The following SNX8 variants were observed in gnomAD, a reference collection of about 807,000 sequenced individuals.
SNX8 encodes sorting nexin-8.
SNX8 carries 25 observed loss-of-function variants against 51.6 expected under a neutral mutation model. The ratio of observed to expected loss-of-function variants is 0.48; its 90% CI spans 0.35 to 0.68. The LOEUF (loss-of-function observed/expected upper bound fraction) is 0.68, where lower values mean the gene tolerates loss of function less well. SNX8 is among the 30% of genes least tolerant of loss of function. The pLI is 0.00. For missense variants in SNX8, 695 were observed against 624.0 expected, an observed-to-expected ratio of 1.11 and a Z score of -1.21; for synonymous variants, 324 against 277.0, an observed-to-expected ratio of 1.17 and a Z score of -1.68.
chr7:2,323,305 G>T (rs12672260), intron 1 of SNX8, among the ~76,000 whole-genome samples: 4 of 145,018 alleles, frequency 2.8e-5, no homozygotes, highest in Admixed American at 7.0e-5. Context: ...CCTCCAGCCA[G>T]GGCGACAGAG....
At chr7:2,329,393 C>T (rs931315235) in intron 1 of SNX8, among the ~76,000 whole-genome samples, 1 of 152,198 alleles carries the variant, frequency 6.6e-6, no homozygotes, top group Non-Finnish European at 1.5e-5. Flanking sequence ...CCACAGTCAG[C>T]ACCCTATTGC....
At chr7:2,295,932 A>G (rs1796265089) in intron 1 of SNX8, among the ~76,000 whole-genome samples, 1 of 152,094 alleles carries the variant, frequency 6.6e-6, no homozygotes, top group Admixed American at 6.6e-5. Flanking sequence ...ATTCTGTTCC[A>G]TGGGTCTGTG....
At chr7:2,271,571 C>G (rs1795644768) in intron 4 of SNX8, among the ~76,000 whole-genome samples, 1 of 152,196 alleles carries the variant, frequency 6.6e-6, no homozygotes, top group African/African-American at 2.4e-5. Context: ...CCTCCCTAAA[C>G]CCTCCAAACC....
chr7:2,269,282 G>C (rs138311884), intron 5 of SNX8, among the ~76,000 whole-genome samples: 1 of 151,248 alleles, frequency 6.6e-6, no homozygotes, highest in African/African-American at 2.4e-5. Context: ...GGGCGGTGCA[G>C]GATGTGCTTT....
chr7:2,294,780 A>AT (rs1796234058), intron 1 of SNX8, among the ~76,000 whole-genome samples: 1 of 152,192 alleles, frequency 6.6e-6, no homozygotes. Context: ...CACACCTGTA[A>AT]TCCCAGCACT....
intron 7 of SNX8, among the ~76,000 whole-genome samples, chr7:2,261,392 C>G (rs1795331663): frequency 6.6e-6 from 1 of 152,244 alleles, no homozygotes; most frequent in Non-Finnish European, 1.5e-5. Flanking sequence ...GAGATCACAC[C>G]ACTGCCCTCC....
At chr7:2,292,031 AG>A (rs1796162099) in intron 1 of SNX8, among the ~76,000 whole-genome samples, 1 of 152,216 alleles carries the variant, frequency 6.6e-6, no homozygotes, top group African/African-American at 2.4e-5. Flanking sequence ...TGGGAGGCCG[AG>A]GTGGATGGAT....
intron 1 of SNX8, among the ~76,000 whole-genome samples, chr7:2,339,805 T>G (rs1045003234): frequency 6.6e-6 from 1 of 152,064 alleles, no homozygotes; most frequent in Admixed American, 6.6e-5. Flanking sequence ...TAAGAACAGA[T>G]AAATAAGAAC....
rs913809726 is a variant in SNX8 at position 2,254,388 on chromosome 7, C to T, written c.*668G>A. The stretch of plus-strand genomic sequence containing the variant: ...CTCTCAGAGCCCCAGCTCTCCGTCA[C>T]GCCTTTGTCTTCCAGGCCTGGGCAC... On this transcript the variant is annotated 3_prime_UTR_variant, in exon 11 of 11. Coordinates refer to ENST00000222990, the MANE Select transcript of SNX8 (RefSeq NM_013321.4). 9 of 154,282 alleles carry T rather than the reference C, an allele frequency of 5.8e-5. No individual in the cohort carries two copies. The highest frequency in any genetic ancestry group is 1.0e-4 in the Non-Finnish European group (7 of 69,426). The allele number at this position is 154,282 out of a possible 1,614,324, so 9.6% of individuals were successfully genotyped here.
At chr7:2,315,760 C>T (rs927519873), upstream of SNX8, among the ~76,000 whole-genome samples, 6 of 149,916 alleles carry the variant, frequency 4.0e-5, no homozygotes, top group South Asian at 4.3e-4. Context: ...TCACTTACTG[C>T]ATCCTACATT....
Position 2,254,748 on chromosome 7 carries a change from A to G in SNX8, c.*308T>C, listed in dbSNP as rs1435361317. 4 of 427,780 alleles carry G rather than the reference A, an allele frequency of 9.4e-6. No homozygotes were observed. Among genetic ancestry groups the G allele is most frequent in the Non-Finnish European group, 8.6e-6 (2 of 233,576 alleles). The allele number at this position is 427,780 out of a possible 1,614,324, so 26.5% of individuals were successfully genotyped here. On this transcript the variant is annotated 3_prime_UTR_variant, in exon 11 of 11. Coordinates refer to ENST00000222990, the MANE Select transcript of SNX8 (RefSeq NM_013321.4). The stretch of plus-strand genomic sequence containing the variant: ...CTGCCTCCACGCTCCCCCAGGCACA[A>G]TCTCTGTGAGATGAGAGATCCCTGC...
chr7:2,341,648 G>T (rs998921275), intron 1 of SNX8, among the ~76,000 whole-genome samples: 1 of 152,014 alleles, frequency 6.6e-6, no homozygotes, highest in African/African-American at 2.4e-5. Context: ...CTCCAACCTG[G>T]GTGATAGAGG....
In SNX8 at chr7:2,252,453, C is replaced by G. The variant is rs980022149; in HGVS notation, c.*2603G>C. On this transcript the variant is annotated 3_prime_UTR_variant, in exon 11 of 11. Transcript: ENST00000222990. ...GGAAGGTGGCCTCCGCCACCCCTGCCTAGCAGGCCTCTTTCTGCTGCCCTT... is the reference window on the plus strand; with the variant it reads ...GGAAGGTGGCCTCCGCCACCCCTGCGTAGCAGGCCTCTTTCTGCTGCCCTT... 4 of 152,404 alleles carry G rather than the reference C, an allele frequency of 2.6e-5. No homozygotes were observed. Among genetic ancestry groups the G allele is most frequent in the Non-Finnish European group, 5.9e-5 (4 of 68,180 alleles). 9.4% of individuals were successfully genotyped at this position (152,404 alleles called of 1,614,324 possible). A position where few individuals can be genotyped will look rare whatever the true frequency, so the allele number is the denominator to read the frequency against.
chr7:2,256,807 T>C (rs926650433), intron 10 of SNX8, 67 bp downstream of exon 10: 6 of 1,528,296 alleles, frequency 3.9e-6, no homozygotes, highest in Non-Finnish European at 5.3e-6. Flanking sequence ...CTGCCGGGCT[T>C]GAAGGAAGGG....
At chr7:2,256,270 C>T (rs1584660715) in intron 10 of SNX8, among the ~76,000 whole-genome samples, 1 of 152,342 alleles carries the variant, frequency 6.6e-6, no homozygotes, top group East Asian at 1.9e-4. Flanking sequence ...TGTGGAATCT[C>T]GTGACCACCC....
chr7:2,302,996 G>A (rs1421229619), intron 1 of SNX8, among the ~76,000 whole-genome samples: 5 of 151,678 alleles, frequency 3.3e-5, no homozygotes, highest in Admixed American at 6.6e-5. Context: ...CAGCCACCCC[G>A]TCCGGGACAG....
At chr7:2,272,909 C>A (rs1168614785) in intron 3 of SNX8, among the ~76,000 whole-genome samples, 3 of 152,064 alleles carry the variant, frequency 2.0e-5, no homozygotes, top group African/African-American at 7.2e-5. Context: ...TCTCGGCTCA[C>A]TGCAACCTCT....
chr7:2,258,169 C>T (rs1019439846), intron 7 of SNX8, among the ~76,000 whole-genome samples: 1 of 152,136 alleles, frequency 6.6e-6, no homozygotes, highest in African/African-American at 2.4e-5. Context: ...CTCCACCATG[C>T]CCGGCTAATT....
upstream of SNX8, among the ~76,000 whole-genome samples, chr7:2,318,448 C>A (rs550735528): frequency 2.7e-5 from 4 of 148,112 alleles, no homozygotes; most frequent in African/African-American, 1.0e-4. Context: ...GGTGTGAACC[C>A]GGGAGGCAGA....
Sources: gnomAD v4.1 joint callset for allele counts (sites outside exome capture counted in the v4.1 genomes callset) on GRCh38, gnomAD v4.1.1 for gene constraint, MANE v1.5 for transcripts, NCBI Gene and HGNC (gene_info 2026-07-23, HGNC 2026-07-21) for gene names.